NOB1: variants seen among roughly 807,000 people sequenced by gnomAD.
NOB1 encodes the protein RNA-binding protein NOB1.
A neutral mutation model predicts 44.8 loss-of-function variants in NOB1; 44 were observed. That is an observed-to-expected ratio of 0.98 (90% CI 0.77 to 1.26). NOB1 has a LOEUF of 1.26. Ranked by LOEUF, NOB1 falls within the 50% of genes most tolerant of loss-of-function variation. NOB1 has a pLI of 0.00. For missense variants in NOB1, 560 were observed against 544.8 expected (o/e 1.03, Z -0.28); for synonymous variants, 238 against 218.7 (o/e 1.09, Z -0.78).
chr16:69,752,272 C>A lies in NOB1; in HGVS notation c.296G>T (p.Gly99Val). The change falls in exon 3 of 9, where the codon GGG becomes GTG. Residue 99 changes from glycine to valine, a missense_variant. By Grantham distance (109) the Gly-to-Val change is moderately radical. Coordinates refer to ENST00000268802, the MANE Select transcript of NOB1 (RefSeq NM_014062.3). ...LTYQLEAEFV[G>V]VSHLKQEPQK... ...TGGTTCTTGTTTTAGGTGAGACACC[C>A]CAACAAACTCTGCTTCCAACTGGTA... is the stretch of plus-strand genomic sequence containing the variant. The A allele has an allele frequency of 3.1e-6, 5 of 1,612,742 alleles. No individual in the cohort carries two copies. Among genetic ancestry groups the A allele is most frequent in the Non-Finnish European group, 4.2e-6 (5 of 1,179,686 alleles).
rs149583705 is a variant in NOB1, at chr16:69,742,513, T to C, written c.1058A>G (p.Gln353Arg). Residue 353 changes from glutamine (Q) to arginine (R), a missense_variant, in exon 9 of 9, where the codon CAA becomes CGA. By Grantham distance (43) the Gln-to-Arg change is conservative. Transcript: ENST00000268802. ...CACGTTGGTTTTCTGCCTGGCCTTT[T>C]GGGAGAGTCGCAGCTGAGGGAAGCG... The part of the protein sequence containing the change: ...DQRFPQLRLS[Q>R]KARQKTNVFA... 3.7e-3 allele frequency: 5,994 copies of C among 1,614,180 alleles called. 29 individuals carry two copies. The highest frequency in any genetic ancestry group is 4.7e-3 in the Non-Finnish European group (5,584 of 1,180,036).
In NOB1 at chr16:69,748,963, G is replaced by T. The variant is rs368351184; in HGVS notation, c.681C>A (p.Pro227=). ...TCAGGCAGCCAACCCGCACGTCCTC[G>T]GGGACGTCACACTGCTCCAGCTCCT... ...IQQELEQCDV[P]EDVRVGCLTT... is the part of the protein sequence containing the mutation. Residue 227 remains proline (P), a synonymous_variant, in exon 6 of 9, where the codon CCC becomes CCA. Coordinates refer to ENST00000268802, the MANE Select transcript of NOB1 (RefSeq NM_014062.3). The T allele has an allele frequency of 1.9e-5, 31 of 1,613,410 alleles. No homozygotes were observed. The highest frequency in any genetic ancestry group is 2.6e-5 in the Non-Finnish European group (31 of 1,179,616).
rs144951532 is a variant in NOB1, at chr16:69,748,268, G to A, written c.788C>T (p.Ala263Val). The change falls in exon 7 of 9, where the codon GCC becomes GTC. Residue 263 changes from alanine to valine, a missense_variant. Physicochemically the swap from Ala to Val is moderately conservative, Grantham distance 64 (BLOSUM62 0). Transcript: ENST00000268802. ...ATGGCAGCGCAAGATGTAGCTCCGG[G>A]CCTCACGAATCAGCATGCCGTTCAC... Reference protein sequence around the residue: ...LAVNGMLIREARSYILRCHGC... With the variant: ...LAVNGMLIREVRSYILRCHGC... 36 of 1,614,044 alleles carry A rather than the reference G, an allele frequency of 2.2e-5. No homozygotes were observed. Among genetic ancestry groups the A allele is most frequent in the Non-Finnish European group, 3.0e-5 (35 of 1,179,926 alleles).
chr16:69,744,804 G>T, intron 8 of NOB1, 69 bp downstream of exon 8: 1 of 1,545,602 alleles, frequency 6.5e-7, no homozygotes, highest in Non-Finnish European at 8.8e-7. Flanking sequence ...ACTAGACTAG[G>T]TTTTCTTTTG....
Position 69,749,978 on chromosome 16 carries a change from C to CA in NOB1, c.328-349dup, listed in dbSNP as rs35957277. ...GGGGAACAAAAATGAGACTCTGTCT[C>CA]AAAAAAAAAAAAGGATACCCAATTT... On this transcript the variant is annotated intron_variant, in intron 3 of 8. Coordinates refer to ENST00000268802, the MANE Select transcript of NOB1 (RefSeq NM_014062.3). Among the ~76,000 whole-genome samples the CA allele has an allele frequency of 1.4e-3, 169 of 124,672 alleles. 3 individuals are homozygous for CA. The East Asian group carries it at 0.02, about 15-fold the overall frequency. The allele number at this position is 124,672 out of a possible 152,430, so 81.8% of individuals were successfully genotyped here. A position where few individuals can be genotyped will look rare whatever the true frequency, so the allele number is the denominator to read the frequency against.
chr16:69,745,850 G>A (rs746508803), intron 7 of NOB1, among the ~76,000 whole-genome samples: 10 of 152,212 alleles, frequency 6.6e-5, no homozygotes, highest in Non-Finnish European at 1.2e-4. Flanking sequence ...CAAGTGTTGG[G>A]ACCTAATTAT....
At chr16:69,742,790 A>G (rs1260161010) in intron 8 of NOB1, among the ~76,000 whole-genome samples, 189 bp from the exon 9 acceptor site, 2 of 152,162 alleles carry the variant, frequency 1.3e-5, no homozygotes, top group Non-Finnish European at 2.9e-5. Flanking sequence ...CTCAATTCAC[A>G]CACGAAAAAC....
At chr16:69,746,090 CACCAGCAGAGCCACAGTGGCTGGCG>C (rs2038428519) in intron 7 of NOB1, among the ~76,000 whole-genome samples, 1 of 152,260 alleles carries the variant, frequency 6.6e-6, no homozygotes, top group African/African-American at 2.4e-5. Context: ...AGTGGCTGGC[CACCAGCAGAGCCACAGTGGCTGGCG>C]GGGCGGGGCC....
chr16:69,742,477 T>C lies in NOB1; in HGVS notation c.1094A>G (p.Asp365Gly), dbSNP rs748236455. The C allele has an allele frequency of 5.6e-6, 9 of 1,614,106 alleles. No homozygotes were observed. In the South Asian group the frequency reaches 9.9e-5, roughly 18 times the overall value. The change falls in exon 9 of 9, where the codon GAC becomes GGC. Residue 365 changes from aspartate (D) to glycine (G), a missense_variant. Coordinates refer to ENST00000268802, the MANE Select transcript of NOB1 (RefSeq NM_014062.3). ...AAAGGGTGACACCCCGGCGATGTAGTCAGGGGCGAACACGTTGGTTTTCTG... is the reference window on the plus strand; with the variant it reads ...AAAGGGTGACACCCCGGCGATGTAGCCAGGGGCGAACACGTTGGTTTTCTG... The part of the protein sequence containing the change: ...ARQKTNVFAP[D>G]YIAGVSPFVE...
At chr16:69,746,324 G>A (rs2038430690) in intron 7 of NOB1, among the ~76,000 whole-genome samples, 1 of 152,208 alleles carries the variant, frequency 6.6e-6, no homozygotes, top group Non-Finnish European at 1.5e-5. Flanking sequence ...CTGCAGAATG[G>A]CAGATGCCAC....
At chr16:69,746,450 C>T (rs886152033) in intron 7 of NOB1, among the ~76,000 whole-genome samples, 1 of 152,238 alleles carries the variant, frequency 6.6e-6, no homozygotes, top group Admixed American at 6.5e-5. Context: ...CCAGCCTGAC[C>T]CACCACAGGA....
In NOB1 at chr16:69,754,921, T is replaced by C. The variant is rs1353160431; in HGVS notation, c.-11A>G. 3 of 1,572,362 alleles carry C rather than the reference T, an allele frequency of 1.9e-6. No individual in the cohort carries two copies. Among genetic ancestry groups the C allele is most frequent in the East Asian group, 2.3e-5 (1 of 42,978 alleles). ...CTCCACTGGAGCCATGTTGGCTGCG[T>C]GAGAGGGGAGCGCGCATGCGCACGG... On this transcript the variant is annotated 5_prime_UTR_variant, in exon 1 of 9. Coordinates refer to ENST00000268802, the MANE Select transcript of NOB1 (RefSeq NM_014062.3).
chr16:69,742,548 G>T lies in NOB1; in HGVS notation c.1023C>A (p.Thr341=), dbSNP rs183924846. 7.4e-6 allele frequency: 12 copies of T among 1,614,106 alleles called. No homozygotes were observed. Among genetic ancestry groups the T allele is most frequent in the Non-Finnish European group, 1.0e-5 (12 of 1,180,014 alleles). ...GCAGCTGAGGGAAGCGCTGATCCTC[G>T]GTGAGATGGGGGTTGATGGCGTATT... ...GGKYAINPHL[T]EDQRFPQLRL... The change falls in exon 9 of 9, where the codon ACC becomes ACA. Residue 341 remains threonine, a synonymous_variant. Transcript: ENST00000268802.
intron 7 of NOB1, among the ~76,000 whole-genome samples, chr16:69,746,521 C>T (rs2038432551): frequency 6.6e-6 from 1 of 152,220 alleles, no homozygotes; most frequent in Non-Finnish European, 1.5e-5. Flanking sequence ...ACAGTTCACC[C>T]GATAGGCACG....
chr16:69,746,056 A>G (rs2038427982), intron 7 of NOB1, among the ~76,000 whole-genome samples: 1 of 152,256 alleles, frequency 6.6e-6, no homozygotes, highest in Non-Finnish European at 1.5e-5. Flanking sequence ...AAAGCTTCAG[A>G]GGAAGGTATG....
At position 69,748,929 on chromosome 16, in the gene NOB1, A is replaced by G; in HGVS notation, c.715T>C (p.Phe239Leu). 1.2e-6 allele frequency: 2 copies of G among 1,607,718 alleles called. No individual in the cohort carries two copies. The highest frequency in any genetic ancestry group is 1.7e-6 in the Non-Finnish European group (2 of 1,176,384). The change falls in exon 6 of 9, where the codon TTC becomes CTC. Residue 239 changes from phenylalanine (F) to leucine (L), a missense_variant. Coordinates refer to ENST00000268802, the MANE Select transcript of NOB1 (RefSeq NM_014062.3). ...DVRVGCLTTDFAMQNVLLQMG... is the reference protein window; with the variant it reads ...DVRVGCLTTDLAMQNVLLQMG... The stretch of plus-strand genomic sequence containing the variant: ...CCCACCCTACCCACCTGCATGGCGA[A>G]GTCTGTGGTCAGGCAGCCAACCCGC...
chr16:69,752,735 A>AC (rs1429942143), intron 2 of NOB1, among the ~76,000 whole-genome samples: 1 of 151,940 alleles, frequency 6.6e-6, no homozygotes, highest in Non-Finnish European at 1.5e-5. Context: ...AGGTCAGGAG[A>AC]CCAGCCTGGC....
rs751320087 is a variant in NOB1 at position 69,749,561 on chromosome 16, T to G, written c.397A>C (p.Lys133Gln). 6.2e-7 allele frequency: 1 copy of G among 1,613,064 alleles called. No individual in the cohort carries two copies. The highest frequency in any genetic ancestry group is 1.1e-5 in the South Asian group (1 of 90,992). Residue 133 changes from lysine to glutamine, a missense_variant and splice_region_variant, in exon 4 of 9, where the codon AAG (lysine) becomes CAG (glutamine). Physicochemically the swap from Lys to Gln is moderately conservative, Grantham distance 53. Transcript: ENST00000268802. ...GCCTGGCTTGTCTAAGAAATTACCT[T>G]GTAGGGCAGATGGAAACCAGAAATG... ...LHISGFHLPY[K>Q]PKPPQETEKG...
chr16:69,747,249 AAAG>A (rs2038440720), intron 7 of NOB1, among the ~76,000 whole-genome samples: 1 of 149,404 alleles, frequency 6.7e-6, no homozygotes, highest in South Asian at 2.1e-4. Context: ...AAAAAGATAA[AAAG>A]AATCTGATAG....
Sources: gnomAD v4.1 joint callset for allele counts (sites outside exome capture counted in the v4.1 genomes callset) on GRCh38, gnomAD v4.1.1 for gene constraint, MANE v1.5 for transcripts, NCBI Gene and HGNC (gene_info 2026-07-23, HGNC 2026-07-21) for gene names.